The following TMEM132D variants were observed in gnomAD, a reference collection of about 807,000 sequenced individuals.
TMEM132D encodes mature OL transmembrane protein.
Under a neutral mutation model 62.3 loss-of-function variants are expected in TMEM132D, and 21 were observed. The observed-to-expected ratio is 0.34, with a 90% CI of 0.24 to 0.49. The LOEUF is 0.49. TMEM132D is among the 20% of genes least tolerant of loss of function. TMEM132D has a pLI of 0.99. For synonymous variants in TMEM132D, 621 were observed against 575.6 expected (o/e 1.08, Z -1.13); for missense variants, 1,346 against 1,402.8 (o/e 0.96, Z 0.65).
At chr12:129,119,754 C>G (rs548484197) in intron 5 of TMEM132D, among the ~76,000 whole-genome samples, 1 of 151,992 alleles carries the variant, frequency 6.6e-6, no homozygotes, top group Non-Finnish European at 1.5e-5. Flanking sequence ...GAGATACAGC[C>G]ATGAATGGTA....
In TMEM132D at chr12:129,185,773, G is replaced by GTCTGTCTGTCTGTCTGTCTATCTATCTA. The variant is rs796145548; in HGVS notation, c.1443+23746_1443+23747insTAGATAGATAGACAGACAGACAGACAGA. Among the ~76,000 whole-genome samples the GTCTGTCTGTCTGTCTGTCTATCTATCTA allele has an allele frequency of 6.9e-3, 936 of 135,986 alleles. 2 individuals are homozygous for GTCTGTCTGTCTGTCTGTCTATCTATCTA. Among genetic ancestry groups the GTCTGTCTGTCTGTCTGTCTATCTATCTA allele is most frequent in the Non-Finnish European group, 9.4e-3 (587 of 62,472 alleles). The allele number at this position is 135,986 out of a possible 152,430, so 89.2% of individuals were successfully genotyped here. On this transcript the variant is annotated intron_variant, in intron 5 of 8. Transcript: ENST00000422113. Reference sequence around the variant, plus strand: ...TCTTTTATCCATCATCTGTCTGTCTGTCTATCTATCTATCTATCTATCTAT... The same window carrying GTCTGTCTGTCTGTCTGTCTATCTATCTA: ...TCTTTTATCCATCATCTGTCTGTCTGTCTGTCTGTCTGTCTGTCTATCTATCTATCTATCTATCTATCTATCTATCTAT...
intron 1 of TMEM132D, among the ~76,000 whole-genome samples, chr12:129,756,514 G>C (rs1412735115): frequency 6.6e-6 from 1 of 152,120 alleles, no homozygotes; most frequent in Non-Finnish European, 1.5e-5. Context: ...AGCTGTCAAG[G>C]GCTGGGGAAG....
chr12:129,878,987 C>T (rs1290492937), intron 1 of TMEM132D, among the ~76,000 whole-genome samples: 1 of 152,218 alleles, frequency 6.6e-6, no homozygotes, highest in African/African-American at 2.4e-5. Context: ...CCTGTTGTAG[C>T]TACTCTCTCA....
Position 129,525,226 on chromosome 12 carries a change from G to T in TMEM132D, c.1115+5833C>A, listed in dbSNP as rs866869249. ...GGGTATGAGCCACGGTGCCCAGCCG[G>T]TTTTTTTTTTTTTTTTTTTTTTTTT... is the stretch of plus-strand genomic sequence containing the variant. On this transcript the variant is annotated intron_variant, in intron 3 of 8. Coordinates refer to ENST00000422113, the MANE Select transcript of TMEM132D (RefSeq NM_133448.3). Among the ~76,000 whole-genome samples the T allele has an allele frequency of 1.4e-3, 92 of 67,386 alleles. 1 individual carries two copies. Among genetic ancestry groups the T allele is most frequent in the South Asian group, 9.1e-3 (14 of 1,532 alleles). The allele number at this position is 67,386 out of a possible 152,430, so 44.2% of individuals were successfully genotyped here.
chr12:129,764,688 C>G (rs904871408), intron 1 of TMEM132D, among the ~76,000 whole-genome samples: 3 of 152,152 alleles, frequency 2.0e-5, no homozygotes, highest in Non-Finnish European at 4.4e-5. Context: ...TACCTGTATT[C>G]CCAGCACTTT....
intron 2 of TMEM132D, among the ~76,000 whole-genome samples, chr12:129,699,496 C>T (rs1881319984): frequency 6.6e-6 from 1 of 152,200 alleles, no homozygotes. Context: ...GAAAAGCCTT[C>T]TTGGATAATT....
intron 4 of TMEM132D, among the ~76,000 whole-genome samples, chr12:129,267,474 CA>C (rs902680525): frequency 3.9e-5 from 6 of 152,160 alleles, no homozygotes; most frequent in African/African-American, 1.4e-4. Flanking sequence ...ATCCAACTTA[CA>C]AGGGATGTGA....
At chr12:129,896,016 G>T (rs1040257911) in intron 1 of TMEM132D, among the ~76,000 whole-genome samples, 2 of 148,174 alleles carry the variant, frequency 1.3e-5, no homozygotes, top group African/African-American at 2.5e-5. Context: ...TGTCACTCAG[G>T]TTAGAGTGTA....
chr12:129,768,704 AT>A (rs1170484370), intron 1 of TMEM132D, among the ~76,000 whole-genome samples: 1 of 152,160 alleles, frequency 6.6e-6, no homozygotes, highest in Non-Finnish European at 1.5e-5. Flanking sequence ...GGGGAGCCTG[AT>A]GGCCCTGTCA....
chr12:129,326,649 T>C (rs1868922011), intron 4 of TMEM132D, among the ~76,000 whole-genome samples: 1 of 152,166 alleles, frequency 6.6e-6, no homozygotes, highest in Admixed American at 6.5e-5. Flanking sequence ...CTGAAAATAT[T>C]TAGTACCTGT....
At chr12:129,273,104 G>A (rs34815924) in intron 4 of TMEM132D, among the ~76,000 whole-genome samples, 32 of 151,802 alleles carry the variant, frequency 2.1e-4, no homozygotes, top group African/African-American at 2.9e-4. Context: ...GCTGAGGCAC[G>A]AGAATCAATT....
chr12:129,205,786 T>C (rs1209261355), intron 5 of TMEM132D, among the ~76,000 whole-genome samples: 1 of 150,974 alleles, frequency 6.6e-6, no homozygotes, highest in African/African-American at 2.4e-5. Flanking sequence ...CCTTAGCAAA[T>C]TCAAAAAAAA....
chr12:129,563,783 C>G (rs1320352901), intron 2 of TMEM132D, among the ~76,000 whole-genome samples: 2 of 152,114 alleles, frequency 1.3e-5, no homozygotes, highest in African/African-American at 4.8e-5. Context: ...ACAGAGAACA[C>G]CCATCTGAGA....
chr12:129,683,080 A>G (rs1880824995), intron 2 of TMEM132D: 1 of 151,886 alleles, frequency 6.6e-6, no homozygotes, highest in Non-Finnish European at 1.5e-5. Context: ...TTCAACAAAT[A>G]TATGTTAAAT....
At chr12:129,424,292 T>C (rs1020207889) in intron 3 of TMEM132D, among the ~76,000 whole-genome samples, 2 of 152,188 alleles carry the variant, frequency 1.3e-5, no homozygotes, top group Admixed American at 1.3e-4. Flanking sequence ...AGTTTCTCCT[T>C]AGTTCACACC....
At chr12:129,230,104 C>T (rs1244012675) in intron 4 of TMEM132D, among the ~76,000 whole-genome samples, 3 of 152,190 alleles carry the variant, frequency 2.0e-5, no homozygotes, top group Non-Finnish European at 4.4e-5. Context: ...TTAAATTGGT[C>T]ACAGTCACCC....
At chr12:129,472,953 C>G (rs1266869936) in intron 3 of TMEM132D, among the ~76,000 whole-genome samples, 1 of 152,162 alleles carries the variant, frequency 6.6e-6, no homozygotes, top group Non-Finnish European at 1.5e-5. Context: ...CAACCTCCTC[C>G]TCTTGGGTTC....
At chr12:129,084,286 T>C (rs1411197553) in intron 6 of TMEM132D, among the ~76,000 whole-genome samples, 5 of 152,104 alleles carry the variant, frequency 3.3e-5, no homozygotes, top group Non-Finnish European at 5.9e-5. Flanking sequence ...CACTTTCTGC[T>C]GGAGTTGCAG....
intron 4 of TMEM132D, among the ~76,000 whole-genome samples, chr12:129,305,082 C>T (rs964404012): frequency 1.3e-5 from 2 of 152,200 alleles, no homozygotes; most frequent in Non-Finnish European, 2.9e-5. Flanking sequence ...TTGGGGAATG[C>T]CAGTACATCC....
Sources: allele counts gnomAD v4.1 joint callset (sites outside exome capture counted in the v4.1 genomes callset), GRCh38; gene constraint gnomAD v4.1.1; transcripts MANE v1.5; gene names NCBI Gene and HGNC (gene_info 2026-07-23, HGNC 2026-07-21).